The following TJP2 variants were observed in gnomAD, a reference collection of about 807,000 sequenced individuals.
TJP2 encodes the protein tight junction protein 2.
In TJP2, 91 loss-of-function variants were observed where a neutral mutation model predicts 133.1. The ratio of observed to expected loss-of-function variants is 0.68; its 90% CI spans 0.58 to 0.81. The LOEUF (loss-of-function observed/expected upper bound fraction) is 0.81, where lower values mean the gene tolerates loss of function less well. Ranked by LOEUF, TJP2 falls within the 40% of genes least tolerant of loss-of-function variation. The probability of loss-of-function intolerance (pLI) is 0.00; values close to 1 mark genes in which losing one functional copy is unlikely to be tolerated. For missense variants in TJP2, 1,541 were observed against 1,565.6 expected (o/e 0.98, Z 0.26); for synonymous variants, 592 against 583.4 (o/e 1.01, Z -0.21).
intron 1 of TJP2, among the ~76,000 whole-genome samples, chr9:69,138,008 T>G (rs1822850958): frequency 1.3e-5 from 2 of 152,312 alleles, no homozygotes; most frequent in Admixed American, 6.5e-5. Flanking sequence ...ACTTGGTTGG[T>G]CAGAGGCATG....
intron 1 of TJP2, among the ~76,000 whole-genome samples, chr9:69,200,464 T>C (rs879812621): frequency 3.3e-4 from 51 of 152,254 alleles, no homozygotes; most frequent in African/African-American, 1.1e-3. Context: ...CATAGCTCAC[T>C]GTAGCCTCCA....
chr9:69,137,217 T>A (rs1822772784), intron 1 of TJP2, among the ~76,000 whole-genome samples: 1 of 147,434 alleles, frequency 6.8e-6, no homozygotes. Context: ...AGCTTCTTTG[T>A]TTTCTTTCCT....
At chr9:69,174,521 A>C in intron 1 of TJP2, 89 bp downstream of exon 1, 2 of 1,400,172 alleles carry the variant, frequency 1.4e-6, no homozygotes, top group South Asian at 1.2e-5. Flanking sequence ...TGCTGCTCTG[A>C]AGTTGTTCCC....
At chr9:69,170,266 T>C (rs1053691177), upstream of TJP2, among the ~76,000 whole-genome samples, 1 of 152,246 alleles carries the variant, frequency 6.6e-6, no homozygotes, top group Non-Finnish European at 1.5e-5. Flanking sequence ...AAGCCTGTCT[T>C]TTCATGAAGT....
intron 22 of TJP2, 36 bp downstream of exon 22, chr9:69,252,936 G>A: frequency 2.5e-6 from 4 of 1,598,450 alleles, no homozygotes; most frequent in Non-Finnish European, 3.4e-6. Context: ...TCTAAGGCGG[G>A]GACTTCTCAA....
intron 2 of TJP2, among the ~76,000 whole-genome samples, chr9:69,214,812 G>A (rs545160154): frequency 1.4e-5 from 2 of 147,812 alleles, no homozygotes; most frequent in Admixed American, 1.4e-4. Context: ...GGCAGGGGTT[G>A]CAGTGAGCCA....
At chr9:69,122,681 G>A (rs1296531013) in intron 1 of TJP2, among the ~76,000 whole-genome samples, 1 of 152,190 alleles carries the variant, frequency 6.6e-6, no homozygotes, top group South Asian at 2.1e-4. Flanking sequence ...GCATTTTCAA[G>A]ACTATTTTGA....
intron 1 of TJP2, among the ~76,000 whole-genome samples, chr9:69,194,289 A>G (rs762140766): frequency 1.3e-5 from 2 of 152,190 alleles, no homozygotes; most frequent in Non-Finnish European, 2.9e-5. Flanking sequence ...AATACCTGGC[A>G]TTCTGCTCAT....
intron 2 of TJP2, among the ~76,000 whole-genome samples, chr9:69,166,537 G>A (rs1178154775): frequency 6.6e-6 from 1 of 151,616 alleles, no homozygotes; most frequent in Admixed American, 6.6e-5. Flanking sequence ...GAAGCCAGGA[G>A]TTTGAGGCCA....
chr9:69,232,702 C>G (rs1425089379), intron 11 of TJP2, among the ~76,000 whole-genome samples: 2 of 152,146 alleles, frequency 1.3e-5, no homozygotes, highest in Non-Finnish European at 2.9e-5. Flanking sequence ...TTTGCTCATT[C>G]CTGCTTGGCT....
At position 69,123,636 on chromosome 9, in the gene TJP2, C is replaced by G. The variant is rs1252414200; in HGVS notation, c.-131+1911C>G. Among the ~76,000 whole-genome samples, 40 of 76,486 alleles carry G rather than the reference C, an allele frequency of 5.2e-4. 13 individuals carry two copies. Among genetic ancestry groups the G allele is most frequent in the African/African-American group, 1.6e-3 (40 of 25,126 alleles). The allele number at this position is 76,486 out of a possible 152,430, so 50.2% of individuals were successfully genotyped here. On this transcript the variant is annotated intron_variant, in intron 1 of 5. Coordinates refer to the TJP2 transcript ENST00000423935. ...TCCTGGGTAGACAAAAGCACTATAG[C>G]TCAAGGTTCTTAGAGTGCACGTACT...
chr9:69,200,247 C>T (rs1826889893), intron 1 of TJP2, among the ~76,000 whole-genome samples: 1 of 152,240 alleles, frequency 6.6e-6, no homozygotes, highest in South Asian at 2.1e-4. Context: ...TGCCCACCCA[C>T]CTGACCAGTT....
intron 1 of TJP2, among the ~76,000 whole-genome samples, chr9:69,179,139 G>A (rs1196773005): frequency 6.6e-6 from 1 of 152,172 alleles, no homozygotes; most frequent in Non-Finnish European, 1.5e-5. Flanking sequence ...AGAAAATACT[G>A]TTTCAGTAGA....
chr9:69,241,238 C>A (rs553938268), intron 17 of TJP2, among the ~76,000 whole-genome samples: 17 of 152,170 alleles, frequency 1.1e-4, no homozygotes, highest in African/African-American at 3.9e-4. Context: ...ACAATATATG[C>A]ACTGTCTATA....
In TJP2 at chr9:69,229,220, G is replaced by A. The variant is rs532438219; in HGVS notation, c.1490G>A (p.Arg497His). The part of the protein sequence containing the change: ...QPKAAPRTFL[R>H]PSPEDEAIYG... Reference sequence around the variant, plus strand: ...AAAGCAGCCCCGAGAACTTTTCTTCGTCCTAGTCCTGAAGATGAAGCAATA... The same window carrying A: ...AAAGCAGCCCCGAGAACTTTTCTTCATCCTAGTCCTGAAGATGAAGCAATA... Residue 497 changes from arginine to histidine, a missense_variant, in exon 10 of 23, where the codon CGT becomes CAT. Coordinates refer to ENST00000377245, the MANE Select transcript of TJP2 (RefSeq NM_004817.4). The A allele has an allele frequency of 5.6e-5, 91 of 1,613,920 alleles. 2 individuals carry two copies. The South Asian group carries it at 7.2e-4, about 13-fold the overall frequency.
upstream of TJP2, among the ~76,000 whole-genome samples, chr9:69,169,876 C>T (rs1455999114): frequency 6.6e-6 from 1 of 152,186 alleles, no homozygotes; most frequent in African/African-American, 2.4e-5. Flanking sequence ...GTGTCTCTCT[C>T]TGTCACCTAG....
intron 22 of TJP2, chr9:69,253,288 C>T (rs1029821264): frequency 3.0e-5 from 8 of 266,440 alleles, no homozygotes; most frequent in African/African-American, 6.6e-5. Context: ...AAAGTCAGAC[C>T]GCTTGTGCTG....
At chr9:69,140,156 T>G (rs1464226945) in intron 1 of TJP2, among the ~76,000 whole-genome samples, 1 of 152,088 alleles carries the variant, frequency 6.6e-6, no homozygotes, top group Non-Finnish European at 1.5e-5. Flanking sequence ...CCAAACCCAG[T>G]CTGGGGATTC....
chr9:69,204,523 CT>C (rs2133148588), intron 1 of TJP2, among the ~76,000 whole-genome samples: 1 of 152,298 alleles, frequency 6.6e-6, no homozygotes, highest in East Asian at 1.9e-4. Flanking sequence ...CTTTGTTATT[CT>C]TTTATCTGCT....
Sources: gnomAD v4.1 joint callset for allele counts (sites outside exome capture counted in the v4.1 genomes callset) on GRCh38, gnomAD v4.1.1 for gene constraint, MANE v1.5 for transcripts, NCBI Gene and HGNC (gene_info 2026-07-23, HGNC 2026-07-21) for gene names.